The following CHIC1 variants were observed in gnomAD, a reference collection of about 807,000 sequenced individuals.
CHIC1 encodes the protein cysteine-rich hydrophobic domain-containing protein 1.
CHIC1 carries 7 observed loss-of-function variants against 18.5 expected under a neutral mutation model. The observed-to-expected ratio is 0.38, with a 90% CI of 0.22 to 0.71. The LOEUF (loss-of-function observed/expected upper bound fraction) is 0.71. Ranked by LOEUF, CHIC1 falls within the 30% of genes least tolerant of loss-of-function variation. The probability of loss-of-function intolerance (pLI) is 0.49; values close to 1 mark genes in which losing one functional copy is unlikely to be tolerated. For synonymous variants in CHIC1, 77 were observed against 73.5 expected, an observed-to-expected ratio of 1.05 and a Z score of -0.25; for missense variants, 159 against 176.9, an observed-to-expected ratio of 0.90 and a Z score of 0.57.
chrX:73,610,084 C>A (rs1402068105), intron 3 of CHIC1, among the ~76,000 whole-genome samples: 1 of 108,742 alleles, frequency 9.2e-6, no homozygotes, highest in East Asian at 2.8e-4. Context: ...CTACTCTCTA[C>A]CTCTATGAAA....
At chrX:73,660,406 G>A (rs1461910457) in intron 3 of CHIC1, among the ~76,000 whole-genome samples, 2 of 112,146 alleles carry the variant, frequency 1.8e-5, no homozygotes, top group Non-Finnish European at 3.8e-5. Flanking sequence ...CCAGGTGACA[G>A]GGCGGAAGAA....
At chrX:73,618,470 G>A (rs899886201) in intron 3 of CHIC1, among the ~76,000 whole-genome samples, 1 of 111,288 alleles carries the variant, frequency 9.0e-6, no homozygotes, top group African/African-American at 3.3e-5. Context: ...GGGGCTGGGG[G>A]TGTGGTTCTC....
intron 3 of CHIC1, among the ~76,000 whole-genome samples, chrX:73,588,881 AAG>A (rs1213500652): frequency 5.4e-5 from 6 of 110,495 alleles, no homozygotes; most frequent in Non-Finnish European, 9.5e-5. Flanking sequence ...AAATTACTGT[AAG>A]AGTGATATGT....
intron 3 of CHIC1, among the ~76,000 whole-genome samples, chrX:73,628,996 C>CT (rs1162208702): frequency 8.1e-5 from 9 of 111,119 alleles, no homozygotes; most frequent in Non-Finnish European, 1.1e-4. Flanking sequence ...CACTTGTTAT[C>CT]TTTTTTTAAA....
chrX:73,613,337 TC>T (rs1569502654), intron 3 of CHIC1, among the ~76,000 whole-genome samples: 2 of 111,554 alleles, frequency 1.8e-5, no homozygotes. Context: ...TGGGGAGGGA[TC>T]CCCCCTGAAT....
At chrX:73,597,748 C>G (rs1294334652) in intron 3 of CHIC1, among the ~76,000 whole-genome samples, 3 of 109,211 alleles carry the variant, frequency 2.7e-5, no homozygotes, top group Non-Finnish European at 5.7e-5. Flanking sequence ...TTAGGTATTT[C>G]TCCTAATGCT....
At chrX:73,644,894 G>T (rs886463815) in intron 3 of CHIC1, among the ~76,000 whole-genome samples, 1 of 111,851 alleles carries the variant, frequency 8.9e-6, no homozygotes, top group Non-Finnish European at 1.9e-5. Context: ...GACTAGGAAC[G>T]GGTACTCCCT....
intron 2 of CHIC1, among the ~76,000 whole-genome samples, chrX:73,577,772 T>C (rs2057507261): frequency 9.0e-6 from 1 of 110,844 alleles, no homozygotes; most frequent in Admixed American, 9.6e-5. Context: ...CCAGTGCTTT[T>C]AGAGTTAAAG....
chrX:73,677,154 C>T (rs1027359811), intron 3 of CHIC1, among the ~76,000 whole-genome samples: 6 of 112,025 alleles, frequency 5.4e-5, no homozygotes, highest in Admixed American at 1.9e-4. Context: ...TGGGGTGTGC[C>T]TCCCAGTTAG....
At position 73,680,975 on chromosome X, in the gene CHIC1, A is replaced by G; in HGVS notation, c.645A>G (p.Leu215=). The G allele has an allele frequency of 9.0e-7, 1 of 1,106,435 alleles. No individual in the cohort carries two copies. Among genetic ancestry groups the G allele is most frequent in the East Asian group, 3.3e-5 (1 of 30,104 alleles). 91.2% of individuals were successfully genotyped at this position (1,106,435 alleles called of 1,213,427 possible). A position where few individuals can be genotyped will look rare whatever the true frequency, so the allele number is the denominator to read the frequency against. ...TGCAGGTAATACTAATAGAATTCTTACCAAAATATCCCATATTCCGACCTG... is the reference window on the plus strand; with the variant it reads ...TGCAGGTAATACTAATAGAATTCTTGCCAAAATATCCCATATTCCGACCTG... ...MMEYVILIEF[L]PKYPIFRPD is the part of the protein sequence containing the mutation. Residue 215 remains leucine, a synonymous_variant, in exon 6 of 6, where the codon TTA becomes TTG. Transcript: ENST00000373502.
At chrX:73,564,727 C>A (rs1174924949) in intron 1 of CHIC1, among the ~76,000 whole-genome samples, 1 of 107,371 alleles carries the variant, frequency 9.3e-6, no homozygotes, top group African/African-American at 3.4e-5. Flanking sequence ...CAATTGAGTT[C>A]ATGTTACATT....
intron 3 of CHIC1, among the ~76,000 whole-genome samples, chrX:73,659,110 C>A (rs774082256): frequency 2.1e-4 from 23 of 111,667 alleles, no homozygotes; most frequent in Non-Finnish European, 3.8e-4. Flanking sequence ...AACATGGTCA[C>A]CTCCCTGGAG....
intron 1 of CHIC1, among the ~76,000 whole-genome samples, chrX:73,563,798 T>G (rs2057430986): frequency 9.2e-6 from 1 of 108,824 alleles, no homozygotes; most frequent in South Asian, 4.0e-4. Context: ...AGGTAAAGAG[T>G]GAGTATAGGA....
chrX:73,626,609 G>A (rs1413165667), intron 3 of CHIC1, among the ~76,000 whole-genome samples: 2 of 110,072 alleles, frequency 1.8e-5, no homozygotes, highest in Non-Finnish European at 3.8e-5. Flanking sequence ...TATGCCAATT[G>A]CTTTTTTCTG....
At chrX:73,633,498 CAT>C (rs1184452800) in intron 3 of CHIC1, among the ~76,000 whole-genome samples, 1 of 111,658 alleles carries the variant, frequency 9.0e-6, no homozygotes, top group Admixed American at 9.5e-5. Flanking sequence ...TTCATTAAAA[CAT>C]GTCTCAGTGA....
chrX:73,589,699 T>C (rs1417701215), intron 3 of CHIC1, among the ~76,000 whole-genome samples: 1 of 111,469 alleles, frequency 9.0e-6, no homozygotes, highest in African/African-American at 3.2e-5. Context: ...CCAGTGTTCT[T>C]TATCACATGC....
Position 73,569,211 on chromosome X carries a change from G to A in CHIC1, c.296+5631G>A, listed in dbSNP as rs547806034. Reference sequence around the variant, plus strand: ...TCATGTCTTATTGGCAGAATTTTACGACATTTTCTTAAACAAACTGAGTAC... The same window carrying A: ...TCATGTCTTATTGGCAGAATTTTACAACATTTTCTTAAACAAACTGAGTAC... On this transcript the variant is annotated intron_variant, in intron 1 of 5. Coordinates refer to ENST00000373502, the MANE Select transcript of CHIC1 (RefSeq NM_001039840.4). Among the ~76,000 whole-genome samples the A allele has an allele frequency of 2.9e-4, 32 of 110,826 alleles. No homozygotes were observed. The South Asian group carries it at 9.8e-3, about 34-fold the overall frequency.
chrX:73,617,815 G>A (rs1279160567), intron 3 of CHIC1, among the ~76,000 whole-genome samples: 1 of 111,812 alleles, frequency 8.9e-6, no homozygotes, highest in Non-Finnish European at 1.9e-5. Context: ...TGAGATTTGG[G>A]TGGGGACACA....
chrX:73,626,932 C>T (rs1313903982), intron 3 of CHIC1, among the ~76,000 whole-genome samples: 7 of 110,184 alleles, frequency 6.4e-5, no homozygotes, highest in Non-Finnish European at 9.5e-5. Context: ...TATTTGTAGA[C>T]ATCCTTCTTG....
Sources: gnomAD v4.1 joint callset for allele counts (sites outside exome capture counted in the v4.1 genomes callset) on GRCh38, gnomAD v4.1.1 for gene constraint, MANE v1.5 for transcripts, NCBI Gene and HGNC (gene_info 2026-07-23, HGNC 2026-07-21) for gene names.